The following LARGE1 variants were observed in gnomAD, a reference collection of about 807,000 sequenced individuals.
LARGE1 encodes the protein xylosyl- and glucuronyltransferase LARGE1.
A neutral mutation model predicts 87.6 loss-of-function variants in LARGE1; 43 were observed. The observed-to-expected ratio is 0.49, with a 90% CI of 0.38 to 0.63. The LOEUF (loss-of-function observed/expected upper bound fraction) is 0.63, where lower values mean the gene tolerates loss of function less well. Among genes scored for constraint, LARGE1 ranks in the 30% least tolerant of loss-of-function variants. LARGE1 has a pLI of 0.00. For missense variants in LARGE1, 802 were observed against 1,000.2 expected (o/e 0.80, Z 2.67); for synonymous variants, 434 against 394.6 (o/e 1.10, Z -1.18).
intron 12 of LARGE1, 114 bp from the exon 13 acceptor site, chr22:33,283,462 G>A: frequency 8.6e-7 from 1 of 1,167,072 alleles, no homozygotes; most frequent in Non-Finnish European, 1.3e-6. Context: ...AGAAAGCTCA[G>A]GTCATCCTCT....
At chr22:33,796,341 C>A (rs1455997110) in intron 1 of LARGE1, among the ~76,000 whole-genome samples, 2 of 152,106 alleles carry the variant, frequency 1.3e-5, no homozygotes, top group East Asian at 3.9e-4. Flanking sequence ...TTCAGAATAT[C>A]AGAAAAGAGG....
intron 6 of LARGE1, among the ~76,000 whole-genome samples, chr22:33,499,147 C>G (rs1043642458): frequency 5.3e-5 from 8 of 152,204 alleles, no homozygotes; most frequent in African/African-American, 1.9e-4. Flanking sequence ...CACCTTGAGG[C>G]TGTGCTTAGT....
intron 2 of LARGE1, among the ~76,000 whole-genome samples, chr22:33,651,676 T>C (rs910279316): frequency 6.6e-6 from 1 of 152,218 alleles, no homozygotes; most frequent in African/African-American, 2.4e-5. Flanking sequence ...GGGTCTTACC[T>C]GTCTTTGTGG....
chr22:33,199,557 G>A (rs1924264472), intron 11 of LARGE1, among the ~76,000 whole-genome samples: 1 of 152,086 alleles, frequency 6.6e-6, no homozygotes, highest in African/African-American at 2.4e-5. Context: ...TATGAGTCCA[G>A]TTTCTTTCTT....
chr22:33,257,483 G>C (rs1602158098), intron 11 of LARGE1, among the ~76,000 whole-genome samples: 2 of 152,022 alleles, frequency 1.3e-5, no homozygotes, highest in African/African-American at 4.8e-5. Flanking sequence ...AAGGCAGGGG[G>C]GTGGGAGGGA....
At chr22:33,352,136 A>G (rs568006321) in intron 9 of LARGE1, among the ~76,000 whole-genome samples, 5 of 152,168 alleles carry the variant, frequency 3.3e-5, no homozygotes, top group Non-Finnish European at 7.3e-5. Context: ...GGCATCATGT[A>G]CCTCCTGACA....
intron 10 of LARGE1, among the ~76,000 whole-genome samples, chr22:33,336,824 G>T (rs1469607802): frequency 1.3e-5 from 2 of 152,056 alleles, no homozygotes; most frequent in Non-Finnish European, 2.9e-5. Flanking sequence ...CACTTTGGGA[G>T]GCCAAGGCAG....
chr22:33,804,134 T>A (rs1189552258), intron 1 of LARGE1, among the ~76,000 whole-genome samples: 1 of 152,208 alleles, frequency 6.6e-6, no homozygotes, highest in Non-Finnish European at 1.5e-5. Flanking sequence ...CTGACTGCCA[T>A]CCTTAGAAAG....
In LARGE1 at chr22:33,581,412, G is replaced by A. The variant is rs144417837; in HGVS notation, c.616-16393C>T. ...AGCTTGGTGAAATGGTACAACCAGG[G>A]ATGAAAACTTGAAATGTTTCCAAGT... On this transcript the variant is annotated intron_variant, in intron 5 of 14. Transcript: ENST00000397394. 2.0e-5 allele frequency among the ~76,000 whole-genome samples: 3 copies of A among 152,292 alleles called. No homozygotes were observed. The East Asian group carries it at 5.8e-4, about 29-fold the overall frequency.
intron 9 of LARGE1, among the ~76,000 whole-genome samples, chr22:33,358,759 G>C (rs62225260): frequency 6.6e-6 from 1 of 151,986 alleles, no homozygotes; most frequent in Non-Finnish European, 1.5e-5. Flanking sequence ...GGCCGAGCCG[G>C]GTGGATCATG....
chr22:33,840,616 A>T (rs909726656), intron 1 of LARGE1, among the ~76,000 whole-genome samples: 4 of 151,852 alleles, frequency 2.6e-5, no homozygotes, highest in African/African-American at 9.7e-5. Context: ...CAGCAACCCT[A>T]GATATAAGGT....
chr22:33,283,248 C>A lies in LARGE1; in HGVS notation c.1831G>T (p.Ala611Ser). 1 of 1,614,186 alleles carries A rather than the reference C, an allele frequency of 6.2e-7. No homozygotes were observed. The highest frequency in any genetic ancestry group is 8.5e-7 in the Non-Finnish European group (1 of 1,180,038). The change falls in exon 13 of 15, where the codon GCG (alanine) becomes TCG (serine). Residue 611 changes from alanine (A) to serine (S), a missense_variant. Physicochemically the swap from Ala to Ser is moderately conservative, Grantham distance 99. This residue lies in a region of LARGE1 where 625 missense variants were observed against 841.9 expected (regional missense o/e 0.74). Coordinates refer to ENST00000397394, the MANE Select transcript of LARGE1 (RefSeq NM_133642.5). Reference sequence around the variant, plus strand: ...ATGTCCAGCATTGACAGCAACTCCGCTTTTGACTTGGGGAAGGACAGCCGG... The same window carrying A: ...ATGTCCAGCATTGACAGCAACTCCGATTTTGACTTGGGGAAGGACAGCCGG... ...RYRLSFPKSKAELLSMLDMGT... is the reference protein window; with the variant it reads ...RYRLSFPKSKSELLSMLDMGT...
intron 1 of LARGE1, among the ~76,000 whole-genome samples, chr22:33,791,078 T>C (rs2085807586): frequency 6.6e-6 from 1 of 152,230 alleles, no homozygotes; most frequent in Non-Finnish European, 1.5e-5. Context: ...TAACTTGTAC[T>C]AGTTATAAAG....
chr22:33,902,231 C>T (rs1322103394), intron 1 of LARGE1, among the ~76,000 whole-genome samples: 1 of 152,212 alleles, frequency 6.6e-6, no homozygotes, highest in Non-Finnish European at 1.5e-5. Flanking sequence ...CGACAAGACT[C>T]TCTCACACAC....
chr22:33,682,708 CA>C (rs2081814220), intron 2 of LARGE1, among the ~76,000 whole-genome samples: 2 of 152,192 alleles, frequency 1.3e-5, no homozygotes, highest in African/African-American at 4.8e-5. Context: ...TAGTAACACA[CA>C]CAGTGGCTGG....
chr22:33,904,824 T>G (rs1256298944), intron 1 of LARGE1, among the ~76,000 whole-genome samples: 1 of 152,182 alleles, frequency 6.6e-6, no homozygotes, highest in Non-Finnish European at 1.5e-5. Flanking sequence ...TGTAAAAGTT[T>G]CATCAACATT....
chr22:33,364,564 A>T (rs1350441732), intron 9 of LARGE1, among the ~76,000 whole-genome samples: 1 of 152,188 alleles, frequency 6.6e-6, no homozygotes, highest in Non-Finnish European at 1.5e-5. Context: ...TCCAGAAATA[A>T]TTCATATTTT....
chr22:33,462,923 C>T (rs1001368133), intron 6 of LARGE1, among the ~76,000 whole-genome samples: 1 of 152,174 alleles, frequency 6.6e-6, no homozygotes, highest in East Asian at 1.9e-4. Flanking sequence ...AACTTTCTAA[C>T]GTCTCACACT....
At chr22:33,753,975 T>C (rs916746789) in intron 2 of LARGE1, among the ~76,000 whole-genome samples, 1 of 151,906 alleles carries the variant, frequency 6.6e-6, no homozygotes, top group Non-Finnish European at 1.5e-5. Context: ...GACAGGAGAA[T>C]TGCTTGAACC....
Sources: gnomAD v4.1 joint callset for allele counts (sites outside exome capture counted in the v4.1 genomes callset) on GRCh38, gnomAD v4.1.1 for gene constraint, gnomAD v4.1.1 regional missense constraint, MANE v1.5 for transcripts, NCBI Gene and HGNC (gene_info 2026-07-23, HGNC 2026-07-21) for gene names.